NRXN1: variants seen among roughly 807,000 people sequenced by gnomAD.
NRXN1 encodes neurexin-1.
A neutral mutation model predicts 150.9 loss-of-function variants in NRXN1; 39 were observed. The observed-to-expected ratio is 0.26, with a 90% CI of 0.20 to 0.34. The LOEUF (loss-of-function observed/expected upper bound fraction) is 0.34. NRXN1 is among the 10% of genes least tolerant of loss of function. The probability of loss-of-function intolerance (pLI) is 1.00; values close to 1 mark genes in which losing one functional copy is unlikely to be tolerated. For missense variants in NRXN1, 1,815 were observed against 1,949.9 expected (o/e 0.93, Z 1.30); for synonymous variants, 924 against 757.0 (o/e 1.22, Z -3.62).
At chr2:50,761,223 T>G (rs1329231641) in intron 5 of NRXN1, among the ~76,000 whole-genome samples, 1 of 151,920 alleles carries the variant, frequency 6.6e-6, no homozygotes, top group Non-Finnish European at 1.5e-5. Flanking sequence ...TATTGTCCAG[T>G]GCAGTGGCTA....
intron 21 of NRXN1, among the ~76,000 whole-genome samples, chr2:49,957,498 A>G (rs901592788): frequency 6.6e-6 from 1 of 152,144 alleles, no homozygotes; most frequent in African/African-American, 2.4e-5. Context: ...CCCTTCACAG[A>G]GAAAGTACAA....
intron 5 of NRXN1, among the ~76,000 whole-genome samples, chr2:50,828,721 C>A (rs1234879534): frequency 6.6e-6 from 1 of 151,524 alleles, no homozygotes; most frequent in African/African-American, 2.4e-5. Context: ...GGCGGCCGGG[C>A]AGAGACCCTC....
chr2:50,751,497 A>G (rs1700589901), intron 5 of NRXN1, among the ~76,000 whole-genome samples: 2 of 151,982 alleles, frequency 1.3e-5, no homozygotes, highest in Admixed American at 6.6e-5. Flanking sequence ...GCATGGTTAT[A>G]AGCCTGCCAG....
At chr2:50,458,570 C>T (rs561959907) in intron 17 of NRXN1, among the ~76,000 whole-genome samples, 90 of 143,994 alleles carry the variant, frequency 6.3e-4, no homozygotes, top group African/African-American at 2.3e-3. Flanking sequence ...GTACAACTAT[C>T]ATGTATTCAT....
chr2:50,065,943 A>G (rs147840915), intron 19 of NRXN1, among the ~76,000 whole-genome samples: 2 of 152,308 alleles, frequency 1.3e-5, no homozygotes, highest in Admixed American at 1.3e-4. Flanking sequence ...CTTGGACGTC[A>G]CATTTCCTCT....
Position 50,921,932 on chromosome 2 carries a change from G to A in NRXN1, c.821-52C>T, listed in dbSNP as rs548437668. 184 of 1,152,834 alleles carry A rather than the reference G, an allele frequency of 1.6e-4. 5 individuals carry two copies. In the South Asian group the frequency reaches 3.6e-3, roughly 22 times the overall value. The allele number at this position is 1,152,834 out of a possible 1,614,324, so 71.4% of individuals were successfully genotyped here. A position where few individuals can be genotyped will look rare whatever the true frequency, so the allele number is the denominator to read the frequency against. ...GAAGAAAGGGTTTCCAGACAAAGAG[G>A]ATAAAGAGGAGAAAAACAACAATAA... On this transcript the variant is annotated intron_variant, in intron 4 of 22. Coordinates refer to ENST00000401669, the MANE Select transcript of NRXN1 (RefSeq NM_001330078.2).
At chr2:50,513,952 A>G (rs936187419) in intron 12 of NRXN1, among the ~76,000 whole-genome samples, 4 of 152,182 alleles carry the variant, frequency 2.6e-5, no homozygotes, top group Non-Finnish European at 5.9e-5. Flanking sequence ...TATTTTAAAG[A>G]GGTTAACTAC....
At chr2:50,250,448 A>G (rs1230555100) in intron 17 of NRXN1, among the ~76,000 whole-genome samples, 5 of 147,876 alleles carry the variant, frequency 3.4e-5, no homozygotes, top group Non-Finnish European at 6.0e-5. Context: ...TTTTTTTTTT[A>G]GCGGAAGCTG....
At chr2:50,765,932 T>C (rs1702331993) in intron 5 of NRXN1, among the ~76,000 whole-genome samples, 1 of 151,986 alleles carries the variant, frequency 6.6e-6, no homozygotes, top group African/African-American at 2.4e-5. Context: ...GAAACTATAG[T>C]GAAAAGTCTC....
At chr2:50,711,329 CTTTT>C (rs765521627) in intron 5 of NRXN1, among the ~76,000 whole-genome samples, 13 of 89,876 alleles carry the variant, frequency 1.4e-4, no homozygotes, top group East Asian at 1.3e-3. Flanking sequence ...AGGTACTGGA[CTTTT>C]TTTTTTTTTT....
chr2:50,683,646 A>AAAAAAAAAAAAAAATATATATATATAT, intron 5 of NRXN1, among the ~76,000 whole-genome samples: 4 of 14,898 alleles, frequency 2.7e-4, no homozygotes, highest in Non-Finnish European at 4.4e-4. Context: ...AAAAAAAAAA[A>AAAAAAAAAAAAAAATATATATATATAT]ATATATATAT....
At chr2:50,027,085 T>C (rs1688453409) in intron 21 of NRXN1, among the ~76,000 whole-genome samples, 1 of 151,828 alleles carries the variant, frequency 6.6e-6, no homozygotes, top group Admixed American at 6.6e-5. Flanking sequence ...GGTTTCACCA[T>C]GTTAGTCAGG....
At chr2:50,620,244 G>T in intron 7 of NRXN1, 61 bp from the exon 8 acceptor site, 2 of 1,494,054 alleles carry the variant, frequency 1.3e-6, no homozygotes, top group Non-Finnish European at 9.1e-7. Flanking sequence ...TGTAATCCTG[G>T]GATATGCCTG....
intron 8 of NRXN1, among the ~76,000 whole-genome samples, chr2:50,564,471 A>G (rs1231340032): frequency 6.6e-6 from 1 of 152,152 alleles, no homozygotes; most frequent in Admixed American, 6.6e-5. Flanking sequence ...TCTCTCTGGA[A>G]CTCTACATTT....
intron 21 of NRXN1, among the ~76,000 whole-genome samples, chr2:50,041,813 C>G (rs559827149): frequency 6.6e-6 from 1 of 152,240 alleles, no homozygotes; most frequent in African/African-American, 2.4e-5. Flanking sequence ...ATTAACAATG[C>G]CCCTCCTCCA....
At chr2:50,640,127 G>A (rs929524464) in intron 5 of NRXN1, among the ~76,000 whole-genome samples, 4 of 152,064 alleles carry the variant, frequency 2.6e-5, no homozygotes, top group African/African-American at 9.7e-5. Flanking sequence ...CAACTAAAGA[G>A]CATTAAAAAA....
chr2:50,720,984 T>C (rs964044312), intron 5 of NRXN1, among the ~76,000 whole-genome samples: 1 of 152,178 alleles, frequency 6.6e-6, no homozygotes, highest in African/African-American at 2.4e-5. Context: ...AAAGACTCTC[T>C]CGTCTGGTTC....
intron 2 of NRXN1, among the ~76,000 whole-genome samples, chr2:51,006,769 A>G (rs1228240026): frequency 1.3e-5 from 2 of 151,876 alleles, no homozygotes; most frequent in Non-Finnish European, 2.9e-5. Flanking sequence ...AGTTCTTCAA[A>G]TGAGTAAGTG....
chr2:50,829,109 A>G (rs2105875741), intron 5 of NRXN1, among the ~76,000 whole-genome samples: 1 of 151,378 alleles, frequency 6.6e-6, no homozygotes, highest in African/African-American at 2.4e-5. Flanking sequence ...CGTGCCTGCA[A>G]TCGCAGGCAC....
Sources: allele counts gnomAD v4.1 joint callset (sites outside exome capture counted in the v4.1 genomes callset), GRCh38; gene constraint gnomAD v4.1.1; transcripts MANE v1.5; gene names NCBI Gene and HGNC (gene_info 2026-07-23, HGNC 2026-07-21).